MACROD2: variants seen among roughly 807,000 people sequenced by gnomAD.
MACROD2 encodes the protein mono-ADP ribosylhydrolase 2, also known as ADP-ribose glycohydrolase MACROD2.
MACROD2 carries 36 observed loss-of-function variants against 70.4 expected under a neutral mutation model. The ratio of observed to expected loss-of-function variants is 0.51; its 90% CI spans 0.39 to 0.68. The LOEUF is 0.68. MACROD2 is among the 30% of genes least tolerant of loss of function. MACROD2 has a pLI of 0.00. For missense variants in MACROD2, 496 were observed against 538.4 expected (o/e 0.92, Z 0.78); for synonymous variants, 172 against 178.8 (o/e 0.96, Z 0.30).
chr20:15,600,060 A>G (rs547693390), intron 8 of MACROD2, among the ~76,000 whole-genome samples: 3 of 152,266 alleles, frequency 2.0e-5, no homozygotes, highest in South Asian at 4.2e-4. Flanking sequence ...GCAGCCCTCA[A>G]TGGTGCACCT....
chr20:15,020,930 T>TATATGTATAC (rs949762117), intron 5 of MACROD2, among the ~76,000 whole-genome samples: 1 of 150,788 alleles, frequency 6.6e-6, no homozygotes, highest in African/African-American at 2.4e-5. Flanking sequence ...TATACACATA[T>TATATGTATAC]ATATGTATAC....
At chr20:15,359,500 G>T (rs1002291319) in intron 6 of MACROD2, among the ~76,000 whole-genome samples, 1 of 151,120 alleles carries the variant, frequency 6.6e-6, no homozygotes, top group African/African-American at 2.4e-5. Context: ...ATATTTATGT[G>T]TTAATATATA....
rs115714111 is a variant in MACROD2, at chr20:15,030,536, G to C, written c.419-199404G>C. On this transcript the variant is annotated intron_variant, in intron 5 of 17. Transcript: ENST00000684519. ...AGTTGCCCCAGCAGTCACCTGCCCA[G>C]CTGCATACTATTTTATTGGCATCTT... 7.4e-3 allele frequency among the ~76,000 whole-genome samples: 1,130 copies of C among 152,258 alleles called. 20 individuals carry two copies. The highest frequency in any genetic ancestry group is 0.025 in the African/African-American group (1,056 of 41,544).
intron 15 of MACROD2, among the ~76,000 whole-genome samples, chr20:15,989,310 G>C (rs1414250569): frequency 6.6e-6 from 1 of 152,056 alleles, no homozygotes; most frequent in African/African-American, 2.4e-5. Context: ...CTATCCATTT[G>C]GTTGGCAGCA....
intron 6 of MACROD2, among the ~76,000 whole-genome samples, chr20:15,340,130 CTTTTTTTTTTT>C (rs869080087): frequency 2.5e-5 from 1 of 39,288 alleles, no homozygotes; most frequent in African/African-American, 1.1e-4. Context: ...TTCTTTCTTT[CTTTTTTTTTTT>C]TTTTTTTTTT....
intron 5 of MACROD2, among the ~76,000 whole-genome samples, chr20:15,056,607 G>A (rs1013787990): frequency 6.6e-6 from 1 of 151,902 alleles, no homozygotes; most frequent in African/African-American, 2.4e-5. Flanking sequence ...CTTTAACATG[G>A]TCCCAATTGT....
chr20:15,279,795 T>A (rs560687409), intron 6 of MACROD2, among the ~76,000 whole-genome samples: 64 of 152,314 alleles, frequency 4.2e-4, no homozygotes, highest in African/African-American at 1.5e-3. Context: ...CCAGACCCTA[T>A]GCTAAGGGCT....
intron 3 of MACROD2, among the ~76,000 whole-genome samples, chr20:14,216,772 T>C (rs1187063220): frequency 2.0e-5 from 3 of 152,114 alleles, no homozygotes; most frequent in Non-Finnish European, 4.4e-5. Flanking sequence ...TTGCAGCTAT[T>C]GTAAAAGGGG....
At chr20:14,406,898 T>C (rs1042181009) in intron 3 of MACROD2, among the ~76,000 whole-genome samples, 2 of 152,156 alleles carry the variant, frequency 1.3e-5, no homozygotes, top group Non-Finnish European at 2.9e-5. Flanking sequence ...GGGCTCAGCC[T>C]TCTTCAATTT....
At chr20:15,146,639 T>G (rs993010203) in intron 5 of MACROD2, among the ~76,000 whole-genome samples, 22 of 152,316 alleles carry the variant, frequency 1.4e-4, no homozygotes, top group African/African-American at 3.8e-4. Context: ...GAAGTCTTTT[T>G]GTTTTTTACA....
In MACROD2 at chr20:14,684,832, T is replaced by C. The variant is rs1186526557; in HGVS notation, c.302-11T>C. The C allele has an allele frequency of 1.9e-6, 3 of 1,608,384 alleles. No homozygotes were observed. Among genetic ancestry groups the C allele is most frequent in the East Asian group, 2.2e-5 (1 of 44,846 alleles). ...GCCAAATATAAGCTAACTTTCTTCTTTCTCCCTTAGTGGATGGCTGTATTC... is the reference window on the plus strand; with the variant it reads ...GCCAAATATAAGCTAACTTTCTTCTCTCTCCCTTAGTGGATGGCTGTATTC... On this transcript the variant is annotated splice_polypyrimidine_tract_variant and intron_variant, in intron 4 of 17. Coordinates refer to ENST00000684519, the MANE Select transcript of MACROD2 (RefSeq NM_001351661.2).
intron 3 of MACROD2, among the ~76,000 whole-genome samples, chr20:14,330,515 A>G (rs1226378915): frequency 6.6e-6 from 1 of 152,090 alleles, no homozygotes; most frequent in Non-Finnish European, 1.5e-5. Context: ...ATAAGGCCAC[A>G]ATTTGTGTTT....
chr20:14,732,777 C>T (rs1326218759), intron 5 of MACROD2, among the ~76,000 whole-genome samples: 3 of 152,014 alleles, frequency 2.0e-5, no homozygotes, highest in Non-Finnish European at 2.9e-5. Context: ...ACTTTTTCTC[C>T]CCCTTCAATC....
intron 5 of MACROD2, among the ~76,000 whole-genome samples, chr20:14,821,816 G>A (rs567165111): frequency 7.9e-5 from 12 of 151,998 alleles, no homozygotes; most frequent in African/African-American, 2.9e-4. Context: ...ACCCACTCTG[G>A]CACTTCCAAG....
intron 3 of MACROD2, among the ~76,000 whole-genome samples, chr20:14,136,402 A>T (rs1403145420): frequency 2.0e-5 from 3 of 152,136 alleles, no homozygotes; most frequent in African/African-American, 7.2e-5. Flanking sequence ...CCAGACTTGC[A>T]CTTGAATCAC....
In MACROD2 at chr20:15,246,472, C is replaced by T. The variant is rs1432610473; in HGVS notation, c.540+16411C>T. Among the ~76,000 whole-genome samples the T allele has an allele frequency of 2.0e-5, 3 of 151,970 alleles. No individual in the cohort carries two copies. In the South Asian group the frequency reaches 6.2e-4, roughly 32 times the overall value. On this transcript the variant is annotated intron_variant, in intron 6 of 17. Transcript: ENST00000684519. ...CTGAAAACTAATATTTGAGTTTTGG[C>T]CTTTCTAATTAATTGCTGTGTAAGC...
At chr20:14,321,089 G>T (rs2082655856) in intron 3 of MACROD2, among the ~76,000 whole-genome samples, 1 of 152,176 alleles carries the variant, frequency 6.6e-6, no homozygotes, top group African/African-American at 2.4e-5. Context: ...AGCCAGCTGG[G>T]TGTGGTGGCT....
At chr20:14,418,774 A>G (rs1479198930) in intron 3 of MACROD2, among the ~76,000 whole-genome samples, 1 of 152,184 alleles carries the variant, frequency 6.6e-6, no homozygotes, top group African/African-American at 2.4e-5. Context: ...ATGTTTTAGA[A>G]TCTCTGTTAT....
At chr20:15,602,290 G>A (rs1019201377) in intron 8 of MACROD2, among the ~76,000 whole-genome samples, 5 of 152,146 alleles carry the variant, frequency 3.3e-5, no homozygotes, top group Non-Finnish European at 7.4e-5. Context: ...GGCCTGGCCC[G>A]CTAGTTTCAA....
Sources: gnomAD v4.1 joint callset for allele counts (sites outside exome capture counted in the v4.1 genomes callset) on GRCh38, gnomAD v4.1.1 for gene constraint, MANE v1.5 for transcripts, NCBI Gene and HGNC (gene_info 2026-07-23, HGNC 2026-07-21) for gene names.